The following AMPH variants were observed in gnomAD, a reference collection of about 807,000 sequenced individuals.
AMPH encodes amphiphysin (Stiff-Mann syndrome with breast cancer 128kD autoantigen).
Under a neutral mutation model 99.1 loss-of-function variants are expected in AMPH, and 49 were observed. The observed-to-expected ratio is 0.49, with a 90% CI of 0.39 to 0.63. AMPH has a LOEUF of 0.63. Among genes scored for constraint, AMPH ranks in the 20% least tolerant of loss-of-function variants. The pLI is 0.00. For synonymous variants in AMPH, 314 were observed against 317.3 expected, an observed-to-expected ratio of 0.99 and a Z score of 0.11; for missense variants, 759 against 863.4, an observed-to-expected ratio of 0.88 and a Z score of 1.52.
At chr7:38,518,967 C>A (rs371573309) in intron 2 of AMPH, among the ~76,000 whole-genome samples, 2 of 152,300 alleles carry the variant, frequency 1.3e-5, no homozygotes, top group East Asian at 3.9e-4. Context: ...TTAGGTCATG[C>A]GGGTTTCACG....
At chr7:38,631,024 G>A (rs1215326703) in intron 1 of AMPH, among the ~76,000 whole-genome samples, 2 of 152,162 alleles carry the variant, frequency 1.3e-5, no homozygotes, top group African/African-American at 4.8e-5. Context: ...CTCCGGAGCT[G>A]GACATATCCG....
intron 1 of AMPH, among the ~76,000 whole-genome samples, chr7:38,570,446 G>T (rs1015099762): frequency 6.6e-6 from 1 of 152,040 alleles, no homozygotes; most frequent in South Asian, 2.1e-4. Context: ...ATATCTAATG[G>T]TACTCCCATA....
At chr7:38,625,889 A>C (rs928915227) in intron 1 of AMPH, among the ~76,000 whole-genome samples, 5 of 152,222 alleles carry the variant, frequency 3.3e-5, no homozygotes, top group African/African-American at 2.4e-5. Context: ...CTGAACACTT[A>C]AGATTTGTGC....
At chr7:38,407,004 A>AT (rs1785030855) in intron 17 of AMPH, among the ~76,000 whole-genome samples, 1 of 96,640 alleles carries the variant, frequency 1.0e-5, no homozygotes, top group South Asian at 3.9e-4. Flanking sequence ...GCATAAGCCA[A>AT]TTTTCCCTAA....
At chr7:38,423,427 A>G (rs771382351) in intron 15 of AMPH, among the ~76,000 whole-genome samples, 2 of 152,224 alleles carry the variant, frequency 1.3e-5, no homozygotes, top group African/African-American at 2.4e-5. Flanking sequence ...GAAGAAATTG[A>G]CATCAGGGGA....
At chr7:38,564,239 C>T (rs1043711948) in intron 1 of AMPH, among the ~76,000 whole-genome samples, 3 of 152,296 alleles carry the variant, frequency 2.0e-5, no homozygotes, top group Non-Finnish European at 2.9e-5. Flanking sequence ...GGCTCCATCA[C>T]CATCACCCAG....
Position 38,503,506 on chromosome 7 carries a change from G to A in AMPH, c.205+144C>T. The stretch of plus-strand genomic sequence containing the variant: ...ATGGGAATTTGGGGCGGGGGGGTGG[G>A]TGGTGGAATGGAACACCTGTGTTCA... On this transcript the variant is annotated intron_variant, in intron 3 of 20. Coordinates refer to ENST00000356264, the MANE Select transcript of AMPH (RefSeq NM_001635.4). 5 of 575,282 alleles carry A rather than the reference G, an allele frequency of 8.7e-6. No individual in the cohort carries two copies. The South Asian group carries it at 1.2e-4, about 13-fold the overall frequency. 35.6% of individuals were successfully genotyped at this position (575,282 alleles called of 1,614,324 possible).
chr7:38,599,083 A>G (rs1279454921), intron 1 of AMPH, among the ~76,000 whole-genome samples: 1 of 152,236 alleles, frequency 6.6e-6, no homozygotes, highest in South Asian at 2.1e-4. Flanking sequence ...TAAGTTACTT[A>G]ACATAAATCT....
chr7:38,421,393 G>A (rs1357125311), intron 16 of AMPH, among the ~76,000 whole-genome samples: 1 of 152,210 alleles, frequency 6.6e-6, no homozygotes, highest in Non-Finnish European at 1.5e-5. Flanking sequence ...TGAAGAATGA[G>A]CTTCACTGGC....
At position 38,461,305 on chromosome 7, in the gene AMPH, A is replaced by T. The variant is rs1316327843; in HGVS notation, c.995T>A (p.Ile332Asn). 2.5e-6 allele frequency: 4 copies of T among 1,613,992 alleles called. No homozygotes were observed. The change falls in exon 11 of 21, where the codon ATC (isoleucine) becomes AAC (asparagine). Residue 332 changes from isoleucine (I) to asparagine (N), a missense_variant. By Grantham distance (149) the Ile-to-Asn change is moderately radical. Transcript: ENST00000356264. ...SFFEDNFVPE[I>N]SVTTPSQNEV... ...TACCTGGGAAGGTGTTGTCACACTG[A>T]TTTCTGGAACAAAGTTGTCCTCAAA...
At chr7:38,528,938 C>T (rs1483579305) in intron 2 of AMPH, among the ~76,000 whole-genome samples, 2 of 152,096 alleles carry the variant, frequency 1.3e-5, no homozygotes, top group African/African-American at 4.8e-5. Context: ...TTCGCTGAAC[C>T]TGGTTTTCCA....
intron 11 of AMPH, among the ~76,000 whole-genome samples, chr7:38,441,362 C>A (rs1421343051): frequency 6.6e-6 from 1 of 152,062 alleles, no homozygotes; most frequent in Non-Finnish European, 1.5e-5. Context: ...TTAGATAACA[C>A]TGTGACTAAA....
chr7:38,565,506 A>G (rs1791706518), intron 1 of AMPH, among the ~76,000 whole-genome samples: 1 of 152,074 alleles, frequency 6.6e-6, no homozygotes. Flanking sequence ...GTGCTCTTTC[A>G]TAGTTTCTGA....
At chr7:38,425,211 G>T (rs952896345) in intron 15 of AMPH, among the ~76,000 whole-genome samples, 1 of 152,148 alleles carries the variant, frequency 6.6e-6, no homozygotes, top group African/African-American at 2.4e-5. Flanking sequence ...AGAGGTGAAG[G>T]CAGTCCCCAT....
chr7:38,470,644 G>C (rs1787849432), intron 7 of AMPH, among the ~76,000 whole-genome samples: 2 of 151,930 alleles, frequency 1.3e-5, no homozygotes, highest in African/African-American at 4.8e-5. Flanking sequence ...CTTGCCATTT[G>C]ATCTATCCGA....
intron 4 of AMPH, among the ~76,000 whole-genome samples, chr7:38,492,083 C>T (rs1193461106): frequency 6.6e-6 from 1 of 152,342 alleles, no homozygotes; most frequent in East Asian, 1.9e-4. Flanking sequence ...ACACAGTCTG[C>T]TATTTGTCAC....
intron 12 of AMPH, 66 bp from the exon 13 acceptor site, chr7:38,432,278 G>A (rs1786060981): frequency 7.0e-7 from 1 of 1,427,568 alleles, no homozygotes; most frequent in Non-Finnish European, 9.8e-7. Context: ...ATGCTGAGGT[G>A]ACAAAAGTTC....
At chr7:38,400,958 GAAAT>G (rs1387992118) in intron 17 of AMPH, among the ~76,000 whole-genome samples, 2 of 151,946 alleles carry the variant, frequency 1.3e-5, no homozygotes, top group Non-Finnish European at 2.9e-5. Flanking sequence ...AATAATAAAA[GAAAT>G]AATTTATGGT....
rs377319509 is a variant in AMPH at position 38,422,454 on chromosome 7, T to C, written c.1239A>G (p.Thr413=). 1 of 1,613,702 alleles carries C rather than the reference T, an allele frequency of 6.2e-7. No homozygotes were observed. Among genetic ancestry groups the C allele is most frequent in the Non-Finnish European group, 8.5e-7 (1 of 1,179,784 alleles). ...FTQPQDTSLF[T]MQTDQSMICN... ...AGATCATACTCTGGTCTGTCTGCAT[T>C]GTGAATAATGAAGTATCCTGGGGCT... is the stretch of plus-strand genomic sequence containing the variant. The change falls in exon 16 of 21, where the codon ACA becomes ACG. Residue 413 remains threonine (T), a synonymous_variant. Coordinates refer to ENST00000356264, the MANE Select transcript of AMPH (RefSeq NM_001635.4).
Sources: gnomAD v4.1 joint callset for allele counts (sites outside exome capture counted in the v4.1 genomes callset) on GRCh38, gnomAD v4.1.1 for gene constraint, MANE v1.5 for transcripts, NCBI Gene and HGNC (gene_info 2026-07-23, HGNC 2026-07-21) for gene names.